Variants in RBFOX1 observed in about 807,000 individuals in gnomAD.
RBFOX1 encodes RNA binding protein fox-1 homolog 1.
A neutral mutation model predicts 57.7 loss-of-function variants in RBFOX1; 8 were observed. The observed-to-expected ratio is 0.14, with a 90% confidence interval of 0.08 to 0.25. RBFOX1 has a LOEUF of 0.25. Ranked by LOEUF, RBFOX1 falls within the 10% of genes least tolerant of loss-of-function variation. The pLI is 1.00. For synonymous variants in RBFOX1, 326 were observed against 222.4 expected, an observed-to-expected ratio of 1.47 and a Z score of -4.15; for missense variants, 611 against 548.5, an observed-to-expected ratio of 1.11 and a Z score of -1.14.
At chr16:5,859,125 A>G (rs1161540799) in intron 3 of RBFOX1, among the ~76,000 whole-genome samples, 1 of 152,166 alleles carries the variant, frequency 6.6e-6, no homozygotes, top group Non-Finnish European at 1.5e-5. Context: ...GAATTGCTTG[A>G]ACCTGGGAGG....
intron 3 of RBFOX1, among the ~76,000 whole-genome samples, chr16:5,702,313 C>T (rs537882958): frequency 6.6e-6 from 1 of 152,296 alleles, no homozygotes; most frequent in South Asian, 2.1e-4. Flanking sequence ...ATGTGCCCCA[C>T]ACTTTTAAAC....
intron 3 of RBFOX1, among the ~76,000 whole-genome samples, chr16:6,937,653 AGG>A (rs1254445644): frequency 2.0e-5 from 3 of 152,088 alleles, no homozygotes; most frequent in Non-Finnish European, 4.4e-5. Context: ...ACTGGAAGCA[AGG>A]GTATGGTGCG....
chr16:7,212,116 T>C (rs2091259723), intron 4 of RBFOX1, among the ~76,000 whole-genome samples: 1 of 152,094 alleles, frequency 6.6e-6, no homozygotes, highest in South Asian at 2.1e-4. Context: ...GAATCATGCA[T>C]GGAAGGAAGG....
intron 2 of RBFOX1, among the ~76,000 whole-genome samples, chr16:5,530,202 A>G (rs1049776593): frequency 6.6e-6 from 1 of 152,212 alleles, no homozygotes; most frequent in African/African-American, 2.4e-5. Context: ...TATTCCCAGC[A>G]GTCCGAGGTA....
chr16:7,078,068 C>A (rs1016176957), intron 4 of RBFOX1, among the ~76,000 whole-genome samples: 1 of 152,136 alleles, frequency 6.6e-6, no homozygotes, highest in Non-Finnish European at 1.5e-5. Flanking sequence ...CCTGCCTTTG[C>A]CTCTCTCTAC....
chr16:6,574,918 G>A (rs11640416), intron 2 of RBFOX1, among the ~76,000 whole-genome samples: 1 of 151,096 alleles, frequency 6.6e-6, no homozygotes, highest in Non-Finnish European at 1.5e-5. Flanking sequence ...GGCGCCTGTA[G>A]TCCCAGCTAC....
At chr16:7,224,614 A>G (rs1030909693) in intron 4 of RBFOX1, among the ~76,000 whole-genome samples, 1 of 152,162 alleles carries the variant, frequency 6.6e-6, no homozygotes, top group African/African-American at 2.4e-5. Context: ...GGGGTGGGTT[A>G]GGGGGAGGTA....
chr16:6,530,716 A>C (rs914107961), intron 2 of RBFOX1, among the ~76,000 whole-genome samples: 4 of 150,014 alleles, frequency 2.7e-5, no homozygotes, highest in South Asian at 2.1e-4. Context: ...GAAGAGAGAG[A>C]GCTTCTGCAG....
chr16:5,657,720 T>G (rs1454037777), intron 3 of RBFOX1, among the ~76,000 whole-genome samples: 2 of 129,490 alleles, frequency 1.5e-5, no homozygotes, highest in African/African-American at 5.5e-5. Flanking sequence ...CTCTCTTTCT[T>G]TTGTTTCTTT....
At chr16:6,943,454 A>T (rs1191059504) in intron 3 of RBFOX1, among the ~76,000 whole-genome samples, 1 of 152,160 alleles carries the variant, frequency 6.6e-6, no homozygotes, top group African/African-American at 2.4e-5. Context: ...CACACCTGTA[A>T]TCTCAGTACT....
At chr16:5,689,074 T>C (rs77679809) in intron 3 of RBFOX1, among the ~76,000 whole-genome samples, 1,637 of 152,314 alleles carry the variant, frequency 0.011, 28 homozygotes, top group African/African-American at 0.037. Flanking sequence ...TTTGAACCAA[T>C]AAGCCAAGGT....
intron 4 of RBFOX1, among the ~76,000 whole-genome samples, chr16:5,942,535 A>T (rs2059303603): frequency 6.6e-6 from 1 of 152,212 alleles, no homozygotes; most frequent in South Asian, 2.1e-4. Flanking sequence ...TCTCCAGAAC[A>T]GTGGCTGGTT....
intron 1 of RBFOX1, among the ~76,000 whole-genome samples, chr16:5,434,184 C>G (rs1182593390): frequency 2.0e-5 from 3 of 152,116 alleles, no homozygotes; most frequent in African/African-American, 7.2e-5. Context: ...AAGAGTAAAA[C>G]ATTCATTTGC....
At chr16:5,936,198 A>G (rs2059164837) in intron 4 of RBFOX1, among the ~76,000 whole-genome samples, 1 of 152,172 alleles carries the variant, frequency 6.6e-6, no homozygotes, top group Non-Finnish European at 1.5e-5. Context: ...ATCTTGGCTC[A>G]CTGCAACTTC....
chr16:5,502,980 G>A (rs2043252870), intron 2 of RBFOX1, among the ~76,000 whole-genome samples: 1 of 152,190 alleles, frequency 6.6e-6, no homozygotes, highest in Non-Finnish European at 1.5e-5. Flanking sequence ...CTATTTAGAC[G>A]TGTCCAATAC....
At chr16:7,032,319 C>G (rs573799334) in intron 3 of RBFOX1, among the ~76,000 whole-genome samples, 3 of 151,998 alleles carry the variant, frequency 2.0e-5, no homozygotes, top group African/African-American at 7.2e-5. Flanking sequence ...GTGGGAGGAG[C>G]CTGTAGTCCT....
chr16:7,031,556 A>G (rs2042793739), intron 3 of RBFOX1, among the ~76,000 whole-genome samples: 2 of 152,008 alleles, frequency 1.3e-5, no homozygotes, highest in South Asian at 4.2e-4. Context: ...AGCCAAGATC[A>G]TGCCACTGCA....
intron 14 of RBFOX1, among the ~76,000 whole-genome samples, chr16:7,695,309 A>G (rs1468888455): frequency 6.6e-6 from 1 of 152,212 alleles, no homozygotes. Flanking sequence ...TCATAGAGCG[A>G]AAATGAAAAA....
At chr16:7,518,447 T>A (rs1367806464) in intron 5 of RBFOX1, 58 bp downstream of exon 5, 2 of 1,546,382 alleles carry the variant, frequency 1.3e-6, no homozygotes, top group Non-Finnish European at 1.7e-6. Flanking sequence ...CCAGCCCTGG[T>A]AATGGCAGCG....
Sources: gnomAD v4.1 joint callset for allele counts (sites outside exome capture counted in the v4.1 genomes callset) on GRCh38, gnomAD v4.1.1 for gene constraint, MANE v1.5 for transcripts, NCBI Gene and HGNC (gene_info 2026-07-23, HGNC 2026-07-21) for gene names.